The following KPNA7 variants were observed in gnomAD, a reference collection of about 807,000 sequenced individuals.
KPNA7 encodes importin subunit alpha-8.
In KPNA7, 54 loss-of-function variants were observed where a neutral mutation model predicts 53.7. That is an observed-to-expected ratio of 1.01 (90% CI 0.81 to 1.26). The LOEUF (loss-of-function observed/expected upper bound fraction) is 1.26, where lower values mean the gene tolerates loss of function less well. KPNA7 is among the 50% of genes most tolerant of loss of function. The pLI is 0.00. For synonymous variants in KPNA7, 276 were observed against 259.3 expected, an observed-to-expected ratio of 1.06 and a Z score of -0.62; for missense variants, 640 against 644.5, an observed-to-expected ratio of 0.99 and a Z score of 0.07.
downstream of KPNA7, among the ~76,000 whole-genome samples, chr7:99,169,112 C>T (rs11975733): frequency 0.024 from 3,592 of 152,124 alleles, 138 homozygotes; most frequent in African/African-American, 0.081. Flanking sequence ...GCTGAGATCG[C>T]GCCACTTCAC....
At chr7:99,168,856 C>T (rs1307201313), downstream of KPNA7, among the ~76,000 whole-genome samples, 2 of 152,274 alleles carry the variant, frequency 1.3e-5, no homozygotes, top group Admixed American at 6.5e-5. Flanking sequence ...CTTTAAAGTA[C>T]ATCTAGCCCT....
At position 99,178,073 on chromosome 7, in the gene KPNA7, C is replaced by T. The variant is rs145351423; in HGVS notation, c.1318-7G>A. On this transcript the variant is annotated splice_polypyrimidine_tract_variant and splice_region_variant and intron_variant, in intron 9 of 10. Transcript: ENST00000327442. ...CAGACCGTTTCTCTGCCGCCTGTGA[C>T]CAAGTACAAGGGGACATGAGACCCC... The T allele has an allele frequency of 9.3e-4, 1,445 of 1,551,104 alleles. 18 individuals carry two copies. In the African/African-American group the frequency reaches 0.017, roughly 19 times the overall value.
At chr7:99,150,512 T>G in the KPNA7 span, among the ~76,000 whole-genome samples, 6,646 of 150,454 alleles carry the variant, frequency 0.044, 180 homozygotes, top group Middle Eastern at 0.07. Context: ...CCTCCTGGGT[T>G]CAAGCGATTC....
intron 10 of KPNA7, among the ~76,000 whole-genome samples, chr7:99,174,216 G>A (rs1460926874): frequency 6.6e-6 from 1 of 152,090 alleles, no homozygotes; most frequent in Non-Finnish European, 1.5e-5. Flanking sequence ...TGTGAACTGC[G>A]CATGCCAGGG....
chr7:99,150,148 T>C, the KPNA7 span, among the ~76,000 whole-genome samples: 1 of 151,992 alleles, frequency 6.6e-6, no homozygotes, highest in Admixed American at 6.6e-5. Context: ...CAGGCTGGGG[T>C]GCAGTGGTGC....
intron 9 of KPNA7, among the ~76,000 whole-genome samples, chr7:99,181,175 G>GTC (rs1281166254): frequency 6.1e-5 from 4 of 65,298 alleles, no homozygotes; most frequent in South Asian, 4.7e-4. Context: ...CTCCGTCTGT[G>GTC]TCTCTCTCTC....
At chr7:99,191,171 T>G (rs1299854948) in intron 6 of KPNA7, among the ~76,000 whole-genome samples, 1 of 151,568 alleles carries the variant, frequency 6.6e-6, no homozygotes, top group Non-Finnish European at 1.5e-5. Flanking sequence ...TTTTTTTTTT[T>G]TTTTTGAGAT....
At chr7:99,188,045 G>A (rs1789710776) in intron 7 of KPNA7, among the ~76,000 whole-genome samples, 1 of 150,906 alleles carries the variant, frequency 6.6e-6, no homozygotes, top group African/African-American at 2.4e-5. Flanking sequence ...CGTGGTCGTT[G>A]GCATCTATAA....
At chr7:99,163,359 G>GTGTGTATATATATATATATATATATATA in the KPNA7 span, among the ~76,000 whole-genome samples, 2 of 66,448 alleles carry the variant, frequency 3.0e-5, no homozygotes, top group African/African-American at 1.2e-4. Flanking sequence ...ATGAGTGTGT[G>GTGTGTATATATATATATATATATATATA]TATATATATA....
chr7:99,172,143 T>C (rs1187931819), downstream of KPNA7, among the ~76,000 whole-genome samples: 2 of 152,178 alleles, frequency 1.3e-5, no homozygotes, highest in East Asian at 3.8e-4. Context: ...AAATTAGATA[T>C]CTACGATGCG....
intron 3 of KPNA7, among the ~76,000 whole-genome samples, chr7:99,198,320 T>C (rs557475129): frequency 6.6e-6 from 1 of 152,196 alleles, no homozygotes; most frequent in East Asian, 1.9e-4. Context: ...ACCAAGGATA[T>C]TACAAGAAAA....
chr7:99,209,867 G>T (rs1791014283), upstream of KPNA7, among the ~76,000 whole-genome samples: 1 of 151,794 alleles, frequency 6.6e-6, no homozygotes, highest in African/African-American at 2.4e-5. Flanking sequence ...AATAAGCTGG[G>T]CATGGTGGCA....
In KPNA7 at chr7:99,195,169, C is replaced by T. The variant is rs1045902211; in HGVS notation, c.454G>A (p.Val152Met). 56 of 1,551,474 alleles carry T rather than the reference C, an allele frequency of 3.6e-5. No individual in the cohort carries two copies. Among genetic ancestry groups the T allele is most frequent in the Non-Finnish European group, 4.0e-5 (46 of 1,147,014 alleles). Residue 152 changes from valine (V) to methionine (M), a missense_variant, in exon 5 of 11, where the codon GTG becomes ATG. Val to Met is a conservative substitution (Grantham distance 21, BLOSUM62 1). Coordinates refer to ENST00000327442, the MANE Select transcript of KPNA7 (RefSeq NM_001145715.3). ...ASGTSEQTRA[V>M]VEGGAIQPLI... ...GGCTGGATGGCTCCCCCTTCTACCA[C>T]GGCACGAGTCTGCTCCGAAGTCCCT...
At chr7:99,164,030 A>G in the KPNA7 span, among the ~76,000 whole-genome samples, 1,714 of 151,356 alleles carry the variant, frequency 0.011, 34 homozygotes, top group African/African-American at 0.04. Flanking sequence ...ACACTTTTAC[A>G]CTGTTGGTGG....
At chr7:99,207,223 C>T (rs12705040) in intron 2 of KPNA7, among the ~76,000 whole-genome samples, 178 bp downstream of exon 2, 7,897 of 152,082 alleles carry the variant, frequency 0.052, 267 homozygotes, top group South Asian at 0.15. Flanking sequence ...TTAGTAGAGA[C>T]GGGGTTACAC....
intron 9 of KPNA7, among the ~76,000 whole-genome samples, chr7:99,180,745 G>GTC (rs142155203): frequency 1.9e-5 from 1 of 52,772 alleles, no homozygotes; most frequent in African/African-American, 8.8e-5. Flanking sequence ...CTCTCCCCGT[G>GTC]TCTCTCTCTC....
chr7:99,207,417 C>T lies in KPNA7; in HGVS notation c.50G>A (p.Arg17Gln), dbSNP rs746388880. The T allele has an allele frequency of 2.0e-5, 31 of 1,551,178 alleles. No homozygotes were observed. The highest frequency in any genetic ancestry group is 1.6e-4 in the Admixed American group (8 of 50,898). The change falls in exon 2 of 11, where the codon CGA (arginine) becomes CAA (glutamine). Residue 17 changes from arginine to glutamine, a missense_variant. Transcript: ENST00000327442. ...CATACTCACAGACACATCTTTGCCTCGGTACTTAAATTTTCTCCGCCTCTC... is the reference window on the plus strand; with the variant it reads ...CATACTCACAGACACATCTTTGCCTTGGTACTTAAATTTTCTCCGCCTCTC... ...PEERRRKFKY[R>Q]GKDVSLRRQQ...
chr7:99,147,825 G>A, the KPNA7 span, among the ~76,000 whole-genome samples: 5 of 151,566 alleles, frequency 3.3e-5, no homozygotes, highest in East Asian at 7.8e-4. Flanking sequence ...ATAAAAGCCT[G>A]GGCAACATAA....
downstream of KPNA7, among the ~76,000 whole-genome samples, chr7:99,172,682 G>A (rs1477197640): frequency 6.6e-6 from 1 of 152,158 alleles, no homozygotes; most frequent in Non-Finnish European, 1.5e-5. Context: ...TCTTGTCAGT[G>A]TCAGGATATT....
Sources: gnomAD v4.1 joint callset for allele counts (sites outside exome capture counted in the v4.1 genomes callset) on GRCh38, gnomAD v4.1.1 for gene constraint, MANE v1.5 for transcripts, NCBI Gene and HGNC (gene_info 2026-07-23, HGNC 2026-07-21) for gene names.